The following TFAP2C variants were observed in gnomAD, a reference collection of about 807,000 sequenced individuals.
The protein encoded by TFAP2C is activating enhancer-binding protein 2 gamma.
TFAP2C carries 9 observed loss-of-function variants against 42.9 expected under a neutral mutation model. The observed-to-expected ratio is 0.21, with a 90% confidence interval of 0.13 to 0.37. The LOEUF (loss-of-function observed/expected upper bound fraction) is 0.37, where lower values mean the gene tolerates loss of function less well. Ranked by LOEUF, TFAP2C falls within the 10% of genes least tolerant of loss-of-function variation. The pLI, the probability that TFAP2C is intolerant of heterozygous loss-of-function variation, is 1.00. For missense variants in TFAP2C, 462 were observed against 591.7 expected, an observed-to-expected ratio of 0.78 and a Z score of 2.27; for synonymous variants, 264 against 256.0, an observed-to-expected ratio of 1.03 and a Z score of -0.30.
At chr20:56,633,232 T>A (rs1347409331) in intron 3 of TFAP2C, 121 bp from the exon 4 acceptor site, 1 of 701,392 alleles carries the variant, frequency 1.4e-6, no homozygotes, top group African/African-American at 1.8e-5. Context: ...CTGCAGTTGA[T>A]CGTGGGGTGT....
intron 5 of TFAP2C, among the ~76,000 whole-genome samples, chr20:56,635,109 G>A (rs1357115513): frequency 2.0e-5 from 3 of 152,256 alleles, no homozygotes; most frequent in African/African-American, 2.4e-5. Context: ...CTCTGATGGC[G>A]TGACGTGGTG....
intron 5 of TFAP2C, among the ~76,000 whole-genome samples, chr20:56,634,899 C>T (rs2146448513): frequency 6.6e-6 from 1 of 152,224 alleles, no homozygotes; most frequent in Admixed American, 6.6e-5. Context: ...TGGACAGTAG[C>T]CAAGAATGCA....
intron 6 of TFAP2C, among the ~76,000 whole-genome samples, chr20:56,637,441 A>T (rs190394423): frequency 6.6e-6 from 1 of 152,186 alleles, no homozygotes; most frequent in African/African-American, 2.4e-5. Flanking sequence ...CATTACTTTT[A>T]CCAGTCCTGG....
rs1002698938 is a variant in TFAP2C, at chr20:56,638,335, A to G, written c.*322A>G. ...ATAAGTTTTAGAATCTTTTAAATACATTCCCTGGGCCAACAGACCCACACA... is the reference window on the plus strand; with the variant it reads ...ATAAGTTTTAGAATCTTTTAAATACGTTCCCTGGGCCAACAGACCCACACA... On this transcript the variant is annotated 3_prime_UTR_variant, in exon 7 of 7. Transcript: ENST00000201031. 7.7e-6 allele frequency: 2 copies of G among 261,390 alleles called. No individual in the cohort carries two copies. The highest frequency in any genetic ancestry group is 1.5e-5 in the Non-Finnish European group (2 of 136,694). 16.2% of individuals were successfully genotyped at this position (261,390 alleles called of 1,614,324 possible).
chr20:56,631,073 C>G lies in TFAP2C; in HGVS notation c.49-132C>G. On this transcript the variant is annotated intron_variant, in intron 1 of 6. Coordinates refer to ENST00000201031, the MANE Select transcript of TFAP2C (RefSeq NM_003222.4). This position sits in a 1 kb window ranked among gnomAD's most constrained non-coding sequence, Gnocchi z 6.1. ...CGCATTGCCCCCGGGTACCTTCCGA[C>G]CCTGGGCAAGCCCCGCCGGGCGGGG... is the stretch of plus-strand genomic sequence containing the variant. 1 of 1,440,044 alleles carries G rather than the reference C, an allele frequency of 6.9e-7. No individual in the cohort carries two copies. The highest frequency in any genetic ancestry group is 1.5e-5 in the South Asian group (1 of 65,640). The allele number at this position is 1,440,044 out of a possible 1,614,324, so 89.2% of individuals were successfully genotyped here.
rs1987625248 is a variant in TFAP2C, at chr20:56,638,307, G to T, written c.*294G>T. The T allele has an allele frequency of 3.1e-6, 1 of 326,962 alleles. No individual in the cohort carries two copies. The highest frequency in any genetic ancestry group is 2.1e-5 in the African/African-American group (1 of 48,084). 20.3% of individuals were successfully genotyped at this position (326,962 alleles called of 1,614,324 possible). A position where few individuals can be genotyped will look rare whatever the true frequency, so the allele number is the denominator to read the frequency against. On this transcript the variant is annotated 3_prime_UTR_variant, in exon 7 of 7. Transcript: ENST00000201031. ...CATTCTTTCCTTCTCTGAAAGTGGT[G>T]CTATAAGTTTTAGAATCTTTTAAAT...
Position 56,637,795 on chromosome 20 carries a change from G to A in TFAP2C, c.1135G>A (p.Ala379Thr), listed in dbSNP as rs141841777. 545 of 1,614,104 alleles carry A rather than the reference G, an allele frequency of 3.4e-4. 4 individuals carry two copies. In the African/African-American group the frequency reaches 6.3e-3, roughly 19 times the overall value. Residue 379 changes from alanine (A) to threonine (T), a missense_variant, in exon 7 of 7, where the codon GCC (alanine) becomes ACC (threonine). By Grantham distance (58) the Ala-to-Thr change is moderately conservative. Transcript: ENST00000201031. ...DRTPHGTSRLAPVLETNIQNC... is the reference protein window; with the variant it reads ...DRTPHGTSRLTPVLETNIQNC... The stretch of plus-strand genomic sequence containing the variant: ...GACACCCCATGGGACCAGCAGGCTC[G>A]CCCCAGTCTTGGAGACGAACATACA...
In TFAP2C at chr20:56,629,688, C is replaced by T; in HGVS notation, c.48+96C>T. 8 of 980,116 alleles carry T rather than the reference C, an allele frequency of 8.2e-6. No individual in the cohort carries two copies. The highest frequency in any genetic ancestry group is 3.2e-5 in the South Asian group (1 of 30,976). 60.7% of individuals were successfully genotyped at this position (980,116 alleles called of 1,614,324 possible). The stretch of plus-strand genomic sequence containing the variant: ...AGGTCGGGGACGAGGGCATAGGAGC[C>T]CTGGCCTCTCGGTGGGACGGGATCC... On this transcript the variant is annotated intron_variant, in intron 1 of 6. Coordinates refer to ENST00000201031, the MANE Select transcript of TFAP2C (RefSeq NM_003222.4). The surrounding 1 kb of genome is among the most constrained non-coding windows in gnomAD (Gnocchi z 5.9).
rs187314201 is a variant in TFAP2C, at chr20:56,636,442, C to T, written c.923-168C>T. The stretch of plus-strand genomic sequence containing the variant: ...TTCAGGGGCTGAGGCACGAGAATTG[C>T]TTGAATTCCGGAGGTGGAGGTTGCA... On this transcript the variant is annotated intron_variant, in intron 5 of 6. Transcript: ENST00000201031. Among the ~76,000 whole-genome samples the T allele has an allele frequency of 1.2e-3, 178 of 151,326 alleles. 2 individuals are homozygous for T. The highest frequency in any genetic ancestry group is 4.1e-3 in the African/African-American group (168 of 41,148).
chr20:56,630,318 C>T lies in TFAP2C; in HGVS notation c.48+726C>T, dbSNP rs552072802. 5.5e-5 allele frequency: 23 copies of T among 419,044 alleles called. 1 individual carries two copies. Among genetic ancestry groups the T allele is most frequent in the Middle Eastern group, 7.1e-4 (1 of 1,414 alleles). The allele number at this position is 419,044 out of a possible 1,614,324, so 26.0% of individuals were successfully genotyped here. A position where few individuals can be genotyped will look rare whatever the true frequency, so the allele number is the denominator to read the frequency against. On this transcript the variant is annotated intron_variant, in intron 1 of 6. Transcript: ENST00000201031. The surrounding 1 kb of genome is among the most constrained non-coding windows in gnomAD (Gnocchi z 5.1). ...GCCTCCGGGCCCTGGAGGGCTGCCC[C>T]TGCCCGCAGGCCCGGGCGCTTCCGC... is the stretch of plus-strand genomic sequence containing the variant.
chr20:56,631,103 G>T lies in TFAP2C; in HGVS notation c.49-102G>T. The T allele has an allele frequency of 4.9e-6, 7 of 1,440,116 alleles. No homozygotes were observed. The highest frequency in any genetic ancestry group is 5.4e-6 in the Non-Finnish European group (6 of 1,103,038). 89.2% of individuals were successfully genotyped at this position (1,440,116 alleles called of 1,614,324 possible). ...GGCAAGCCCCGCCGGGCGGGGTGCG[G>T]TTGGTCCCCCGGGGCCCTCTGCGTA... is the stretch of plus-strand genomic sequence containing the variant. On this transcript the variant is annotated intron_variant, in intron 1 of 6. Transcript: ENST00000201031. The surrounding 1 kb of genome is among the most constrained non-coding windows in gnomAD (Gnocchi z 6.1).
chr20:56,630,435 C>A lies in TFAP2C; in HGVS notation c.49-770C>A. 4 of 411,386 alleles carry A rather than the reference C, an allele frequency of 9.7e-6. No homozygotes were observed. The highest frequency in any genetic ancestry group is 2.0e-5 in the Non-Finnish European group (4 of 199,196). The allele number at this position is 411,386 out of a possible 1,614,324, so 25.5% of individuals were successfully genotyped here. Reference sequence around the variant, plus strand: ...GCATCCTTTAGAAACTGAGTCGGGCCGCCCAGGGGCGAGGGAACGTGCGCG... The same window carrying A: ...GCATCCTTTAGAAACTGAGTCGGGCAGCCCAGGGGCGAGGGAACGTGCGCG... On this transcript the variant is annotated intron_variant, in intron 1 of 6. Coordinates refer to ENST00000201031, the MANE Select transcript of TFAP2C (RefSeq NM_003222.4). This position sits in a 1 kb window ranked among gnomAD's most constrained non-coding sequence, Gnocchi z 5.1.
Position 56,639,189 on chromosome 20 carries a change from A to AT in TFAP2C, c.*1179dup, listed in dbSNP as rs2146451000. The AT allele has an allele frequency of 6.6e-6, 1 of 152,522 alleles. No homozygotes were observed. The highest frequency in any genetic ancestry group is 1.9e-4 in the East Asian group (1 of 5,180). The allele number at this position is 152,522 out of a possible 1,614,324, so 9.4% of individuals were successfully genotyped here. ...TACAGTGTGTGTGGGTGAAATGGAG[A>AT]TTTGGAATTGAACTCTCTGCCTGTA... is the stretch of plus-strand genomic sequence containing the variant. On this transcript the variant is annotated 3_prime_UTR_variant, in exon 7 of 7. Coordinates refer to ENST00000201031, the MANE Select transcript of TFAP2C (RefSeq NM_003222.4).
rs529704470 is a variant in TFAP2C, at chr20:56,630,512, G to A, written c.49-693G>A. ...CTTCATGCCCCCTCTGCGCCCCGAC[G>A]TGCGAGAACACTGCCCTTGGCAGTG... On this transcript the variant is annotated intron_variant, in intron 1 of 6. Coordinates refer to ENST00000201031, the MANE Select transcript of TFAP2C (RefSeq NM_003222.4). The surrounding 1 kb of genome is among the most constrained non-coding windows in gnomAD (Gnocchi z 5.1). 106 of 349,174 alleles carry A rather than the reference G, an allele frequency of 3.0e-4. 1 individual carries two copies. The highest frequency in any genetic ancestry group is 2.3e-3 in the South Asian group (104 of 44,942). 21.6% of individuals were successfully genotyped at this position (349,174 alleles called of 1,614,324 possible). A position where few individuals can be genotyped will look rare whatever the true frequency, so the allele number is the denominator to read the frequency against.
intron 5 of TFAP2C, 79 bp from the exon 6 acceptor site, chr20:56,636,525 CAAAAAA>C (rs74181067): frequency 3.2e-6 from 4 of 1,251,594 alleles, no homozygotes; most frequent in Admixed American, 2.9e-5. Flanking sequence ...GACTCCGTGT[CAAAAAA>C]AAAAAAAAAG....
Position 56,629,327 on chromosome 20 carries a change from G to A in TFAP2C, c.-218G>A. The A allele has an allele frequency of 5.0e-6, 2 of 400,870 alleles. No individual in the cohort carries two copies. Among genetic ancestry groups the A allele is most frequent in the Non-Finnish European group, 8.7e-6 (2 of 228,590 alleles). 24.8% of individuals were successfully genotyped at this position (400,870 alleles called of 1,614,324 possible). On this transcript the variant is annotated 5_prime_UTR_variant, in exon 1 of 7. Coordinates refer to ENST00000201031, the MANE Select transcript of TFAP2C (RefSeq NM_003222.4). The surrounding 1 kb of genome is among the most constrained non-coding windows in gnomAD (Gnocchi z 5.9). ...CGCCAGGACACACTGTTCGGGCGCG[G>A]CTTTCCCCGTCCGCGGAGCGGTCTT... is the stretch of plus-strand genomic sequence containing the variant.
intron 5 of TFAP2C, among the ~76,000 whole-genome samples, chr20:56,635,919 CA>C (rs1332581545): frequency 2.6e-5 from 4 of 152,272 alleles, no homozygotes; most frequent in Middle Eastern, 6.8e-3. Flanking sequence ...ATAGTTGTTA[CA>C]TTGTATTGCT....
In TFAP2C at chr20:56,633,375, C is replaced by A; in HGVS notation, c.609C>A (p.Asn203Lys). 1 of 1,613,710 alleles carries A rather than the reference C, an allele frequency of 6.2e-7. No individual in the cohort carries two copies. Among genetic ancestry groups the A allele is most frequent in the Non-Finnish European group, 8.5e-7 (1 of 1,179,928 alleles). The change falls in exon 4 of 7, where the codon AAC becomes AAA. Residue 203 changes from asparagine to lysine, a missense_variant. Asn to Lys is a moderately conservative substitution (Grantham distance 94, BLOSUM62 0). Coordinates refer to ENST00000201031, the MANE Select transcript of TFAP2C (RefSeq NM_003222.4). ...IRKGPISMTK[N>K]PLNLPCQKEL... ...CAGGTCCCATTTCCATGACCAAGAACCCTCTGAACCTCCCCTGTCAGAAGG... is the reference window on the plus strand; with the variant it reads ...CAGGTCCCATTTCCATGACCAAGAAACCTCTGAACCTCCCCTGTCAGAAGG...
rs749817546 is a variant in TFAP2C, at chr20:56,631,715, CG to C, written c.534+27del. The C allele has an allele frequency of 4.4e-6, 7 of 1,604,740 alleles. No individual in the cohort carries two copies. The African/African-American group carries it at 9.4e-5, about 21-fold the overall frequency. On this transcript the variant is annotated intron_variant, in intron 2 of 6. Transcript: ENST00000201031. The surrounding 1 kb of genome is among the most constrained non-coding windows in gnomAD (Gnocchi z 6.1). Reference sequence around the variant, plus strand: ...GGTGAGCGGCGCTGCGGCTCCTGACCGGACCTGTTCACCCTACGGCCTTCTG... The same window carrying C: ...GGTGAGCGGCGCTGCGGCTCCTGACCGACCTGTTCACCCTACGGCCTTCTG...
Sources: gnomAD v4.1 joint callset for allele counts (sites outside exome capture counted in the v4.1 genomes callset) on GRCh38, gnomAD v4.1.1 for gene constraint, Gnocchi (gnomAD v3.1) non-coding constraint, MANE v1.5 for transcripts, NCBI Gene and HGNC (gene_info 2026-07-23, HGNC 2026-07-21) for gene names.